Variants in MYO16 observed in about 807,000 individuals in gnomAD.
MYO16 encodes myosin XVI.
A neutral mutation model predicts 205.3 loss-of-function variants in MYO16; 94 were observed. The observed-to-expected ratio is 0.46, with a 90% CI of 0.39 to 0.54. MYO16 has a LOEUF of 0.54. MYO16 is among the 20% of genes least tolerant of loss of function. The pLI is 0.00. For missense variants in MYO16, 2,315 were observed against 2,387.5 expected (o/e 0.97, Z 0.63); for synonymous variants, 988 against 954.0 (o/e 1.04, Z -0.66).
chr13:108,863,733 T>G (rs191534952), intron 11 of MYO16, among the ~76,000 whole-genome samples: 6 of 152,252 alleles, frequency 3.9e-5, no homozygotes, highest in Admixed American at 3.9e-4. Context: ...TTCTGTTATC[T>G]TCTGAAATAA....
chr13:108,631,178 A>T (rs1443194395), intron 1 of MYO16, among the ~76,000 whole-genome samples: 5 of 152,188 alleles, frequency 3.3e-5, no homozygotes, highest in Admixed American at 3.3e-4. Flanking sequence ...GCACTAGCAG[A>T]ATGTCATTAT....
At chr13:108,523,521 C>A in the MYO16 span, among the ~76,000 whole-genome samples, 1 of 152,188 alleles carries the variant, frequency 6.6e-6, no homozygotes, top group African/African-American at 2.4e-5. Flanking sequence ...CTGCAGACCA[C>A]AAACCTTCAA....
intron 28 of MYO16, among the ~76,000 whole-genome samples, chr13:109,115,556 G>T (rs1371536975): frequency 1.3e-5 from 2 of 152,176 alleles, no homozygotes; most frequent in Non-Finnish European, 2.9e-5. Context: ...ATTCTTTGAT[G>T]TGAGAATGCC....
At chr13:108,498,017 G>A in the MYO16 span, among the ~76,000 whole-genome samples, 2 of 152,196 alleles carry the variant, frequency 1.3e-5, no homozygotes, top group African/African-American at 4.8e-5. Flanking sequence ...ATGTATATGT[G>A]TGTATCTCTA....
chr13:109,157,319 T>C (rs1878114832), intron 32 of MYO16, among the ~76,000 whole-genome samples: 1 of 149,776 alleles, frequency 6.7e-6, no homozygotes. Flanking sequence ...TGGAACCCAG[T>C]CCTGTGATGC....
chr13:108,966,938 G>A (rs189022545), intron 20 of MYO16, among the ~76,000 whole-genome samples: 2 of 151,870 alleles, frequency 1.3e-5, no homozygotes, highest in Non-Finnish European at 2.9e-5. Context: ...TGTTGTAATC[G>A]TGTCAAAAAA....
the MYO16 span, among the ~76,000 whole-genome samples, chr13:108,577,512 T>A: frequency 6.6e-6 from 1 of 152,180 alleles, no homozygotes; most frequent in African/African-American, 2.4e-5. Flanking sequence ...CTCTCCTCCA[T>A]CTGGAACACC....
chr13:108,573,079 G>C, the MYO16 span, among the ~76,000 whole-genome samples: 1 of 152,122 alleles, frequency 6.6e-6, no homozygotes, highest in Non-Finnish European at 1.5e-5. Context: ...TCGCTTCTCT[G>C]GCTGTAACTG....
intron 1 of MYO16, among the ~76,000 whole-genome samples, chr13:108,663,299 T>G (rs141138295): frequency 1.4e-5 from 2 of 145,704 alleles, no homozygotes; most frequent in African/African-American, 5.2e-5. Context: ...TGTTATCTTA[T>G]AGATTCTTTC....
chr13:108,705,527 G>C (rs1449081811), intron 2 of MYO16, among the ~76,000 whole-genome samples: 1 of 152,088 alleles, frequency 6.6e-6, no homozygotes, highest in Non-Finnish European at 1.5e-5. Context: ...TGTTATAATT[G>C]TTCTATTGTA....
At chr13:109,149,500 G>T (rs1221218516) in intron 32 of MYO16, among the ~76,000 whole-genome samples, 1 of 152,046 alleles carries the variant, frequency 6.6e-6, no homozygotes, top group East Asian at 1.9e-4. Context: ...CCAAACCCTG[G>T]ATTCTTTCTA....
intron 12 of MYO16, among the ~76,000 whole-genome samples, chr13:108,880,063 G>A (rs1212253361): frequency 6.6e-6 from 1 of 152,186 alleles, no homozygotes; most frequent in Non-Finnish European, 1.5e-5. Flanking sequence ...TCTAACTGGT[G>A]TGAGATGGTA....
At chr13:108,713,455 G>A (rs1024182677) in intron 3 of MYO16, among the ~76,000 whole-genome samples, 7 of 152,268 alleles carry the variant, frequency 4.6e-5, no homozygotes, top group South Asian at 4.1e-4. Flanking sequence ...TTAACTTCCA[G>A]AAGCTCCTTA....
chr13:108,884,909 G>A (rs1879792997), intron 13 of MYO16, among the ~76,000 whole-genome samples: 1 of 152,016 alleles, frequency 6.6e-6, no homozygotes, highest in African/African-American at 2.4e-5. Context: ...GGATGAGAAA[G>A]GCACTGAGAC....
chr13:108,639,258 C>T (rs755492133), intron 1 of MYO16, among the ~76,000 whole-genome samples: 20 of 151,988 alleles, frequency 1.3e-4, no homozygotes, highest in Non-Finnish European at 2.8e-4. Context: ...GAAGGGGAGG[C>T]GTGGTCTGAC....
chr13:109,093,289 T>C (rs1340091159), intron 27 of MYO16, among the ~76,000 whole-genome samples: 1 of 152,150 alleles, frequency 6.6e-6, no homozygotes, highest in Non-Finnish European at 1.5e-5. Context: ...TAACACAGCT[T>C]GAGGTTGGAA....
At chr13:108,501,583 T>TA in the MYO16 span, among the ~76,000 whole-genome samples, 1 of 152,342 alleles carries the variant, frequency 6.6e-6, no homozygotes, top group East Asian at 1.9e-4. Context: ...TAGCACCTTT[T>TA]AAAAGAAGAA....
intron 9 of MYO16, among the ~76,000 whole-genome samples, chr13:108,834,013 G>A (rs961538635): frequency 6.6e-6 from 1 of 151,848 alleles, no homozygotes; most frequent in Non-Finnish European, 1.5e-5. Flanking sequence ...ACAATTTCTT[G>A]TTGAATAAAA....
intron 2 of MYO16, among the ~76,000 whole-genome samples, chr13:108,690,236 C>T (rs572311739): frequency 6.6e-6 from 1 of 151,976 alleles, no homozygotes; most frequent in South Asian, 2.1e-4. Flanking sequence ...ACTGAACAGC[C>T]ATCCTTTATT....
Sources: allele counts gnomAD v4.1 joint callset (sites outside exome capture counted in the v4.1 genomes callset), GRCh38; gene constraint gnomAD v4.1.1; transcripts MANE v1.5; gene names NCBI Gene and HGNC (gene_info 2026-07-23, HGNC 2026-07-21).